SNX29: variants seen among roughly 807,000 people sequenced by gnomAD.
SNX29 encodes sorting nexin-29.
SNX29 carries 78 observed loss-of-function variants against 102.1 expected under a neutral mutation model. The ratio of observed to expected loss-of-function variants is 0.76; its 90% CI spans 0.64 to 0.92. SNX29 has a LOEUF of 0.92. Among genes scored for constraint, SNX29 ranks in the 40% least tolerant of loss-of-function variants. The pLI is 0.00. For synonymous variants in SNX29, 580 were observed against 414.5 expected (o/e 1.40, Z -4.85); for missense variants, 1,280 against 1,061.7 (o/e 1.21, Z -2.86).
At chr16:12,120,724 T>A (rs917385411) in intron 11 of SNX29, among the ~76,000 whole-genome samples, 2 of 152,192 alleles carry the variant, frequency 1.3e-5, no homozygotes, top group African/African-American at 4.8e-5. Flanking sequence ...TCCACTGTTG[T>A]TTTTGAAATT....
At chr16:12,247,698 T>A (rs1422476036) in intron 14 of SNX29, among the ~76,000 whole-genome samples, 1 of 152,212 alleles carries the variant, frequency 6.6e-6, no homozygotes, top group South Asian at 2.1e-4. Flanking sequence ...CCTCAAGGTT[T>A]AAAAAGTCCC....
chr16:12,346,587 G>GTAA (rs1215008530), intron 15 of SNX29, among the ~76,000 whole-genome samples: 1 of 152,182 alleles, frequency 6.6e-6, no homozygotes, highest in African/African-American at 2.4e-5. Context: ...CAGGACAGGT[G>GTAA]TGAATTGGGG....
intron 14 of SNX29, among the ~76,000 whole-genome samples, chr16:12,215,174 T>C (rs935470747): frequency 2.0e-5 from 3 of 152,084 alleles, no homozygotes; most frequent in Non-Finnish European, 1.5e-5. Flanking sequence ...ATTATCCCCA[T>C]TTACACGGGA....
intron 4 of SNX29, among the ~76,000 whole-genome samples, chr16:12,040,284 A>G (rs2049826262): frequency 6.6e-6 from 1 of 152,188 alleles, no homozygotes; most frequent in Non-Finnish European, 1.5e-5. Context: ...AGGCTGAGAC[A>G]GGAGGATCAC....
intron 13 of SNX29, among the ~76,000 whole-genome samples, chr16:12,143,644 G>A (rs1300290510): frequency 2.6e-5 from 4 of 152,180 alleles, no homozygotes; most frequent in Admixed American, 6.5e-5. Context: ...AATACCCTGC[G>A]TAAGTACTGA....
At chr16:12,265,651 A>C (rs1280526575) in intron 14 of SNX29, among the ~76,000 whole-genome samples, 1 of 133,682 alleles carries the variant, frequency 7.5e-6, no homozygotes, top group Non-Finnish European at 1.5e-5. Flanking sequence ...AATTGTGCCT[A>C]GGAGTTTGAG....
chr16:12,219,935 C>T (rs2077431003), intron 14 of SNX29, among the ~76,000 whole-genome samples: 1 of 152,166 alleles, frequency 6.6e-6, no homozygotes, highest in Non-Finnish European at 1.5e-5. Context: ...CACGTGTACA[C>T]ACACGTGCAC....
chr16:12,017,291 T>G (rs1156900997), intron 3 of SNX29, among the ~76,000 whole-genome samples: 2 of 152,220 alleles, frequency 1.3e-5, no homozygotes, highest in Non-Finnish European at 2.9e-5. Flanking sequence ...TTACTATACT[T>G]TCTTGGGCTA....
At chr16:12,030,277 A>T (rs1309390378) in intron 4 of SNX29, among the ~76,000 whole-genome samples, 2 of 152,144 alleles carry the variant, frequency 1.3e-5, no homozygotes, top group African/African-American at 4.8e-5. Context: ...ATTCTTAGTC[A>T]TACCCGCAGC....
intron 18 of SNX29, among the ~76,000 whole-genome samples, chr16:12,407,000 T>A (rs1047342475): frequency 1.3e-5 from 2 of 152,236 alleles, no homozygotes; most frequent in Non-Finnish European, 2.9e-5. Context: ...GCTCCTGTTC[T>A]GGACAGCACA....
At chr16:12,149,519 C>T (rs910124709) in intron 13 of SNX29, among the ~76,000 whole-genome samples, 16 of 152,128 alleles carry the variant, frequency 1.1e-4, no homozygotes, top group African/African-American at 3.6e-4. Context: ...GTTCTGTAGT[C>T]GTCAGTAGAT....
intron 20 of SNX29, among the ~76,000 whole-genome samples, chr16:12,553,497 G>A (rs1442554255): frequency 6.6e-6 from 1 of 152,134 alleles, no homozygotes; most frequent in East Asian, 1.9e-4. Context: ...GGCAGGGCAG[G>A]TGCACACTTG....
At chr16:12,145,280 G>T (rs2055020501) in intron 13 of SNX29, among the ~76,000 whole-genome samples, 1 of 151,962 alleles carries the variant, frequency 6.6e-6, no homozygotes, top group Non-Finnish European at 1.5e-5. Flanking sequence ...CAAATCCCAT[G>T]ACTGTAGCGT....
intron 14 of SNX29, among the ~76,000 whole-genome samples, chr16:12,201,554 C>G (rs902935774): frequency 6.6e-6 from 1 of 152,218 alleles, no homozygotes; most frequent in Non-Finnish European, 1.5e-5. Flanking sequence ...CTCCAAACCT[C>G]TGGTTCTTTG....
intron 1 of SNX29, among the ~76,000 whole-genome samples, chr16:11,989,514 C>G (rs528815682): frequency 2.6e-5 from 4 of 152,282 alleles, no homozygotes; most frequent in Non-Finnish European, 5.9e-5. Context: ...TTTATCTGTG[C>G]GTATGCTAAG....
At chr16:12,381,793 C>T (rs1215318211) in intron 16 of SNX29, among the ~76,000 whole-genome samples, 2 of 121,718 alleles carry the variant, frequency 1.6e-5, no homozygotes, top group Non-Finnish European at 3.4e-5. Flanking sequence ...ACCCACCCAT[C>T]ATCTACCATC....
chr16:12,126,773 T>G lies in SNX29; in HGVS notation c.1466+77T>G, dbSNP rs563236020. 3.3e-6 allele frequency: 5 copies of G among 1,534,760 alleles called. No individual in the cohort carries two copies. In the Admixed American group the frequency reaches 9.4e-5, roughly 29 times the overall value. On this transcript the variant is annotated intron_variant, in intron 12 of 20. Coordinates refer to ENST00000566228, the MANE Select transcript of SNX29 (RefSeq NM_032167.5). Reference sequence around the variant, plus strand: ...TCTGGGGAAGACAGAATATAACAGATGAGGGACATTTTGCTTTCTTGGCAA... The same window carrying G: ...TCTGGGGAAGACAGAATATAACAGAGGAGGGACATTTTGCTTTCTTGGCAA...
At position 12,126,715 on chromosome 16, in the gene SNX29, T is replaced by C. The variant is rs1477859538; in HGVS notation, c.1466+19T>C. The C allele has an allele frequency of 6.2e-7, 1 of 1,613,344 alleles. No homozygotes were observed. The highest frequency in any genetic ancestry group is 1.7e-5 in the Admixed American group (1 of 59,978). ...AGAACAGGTACCGTGATTTTCAGGC[T>C]TGAGGAATAGCCTCTTTCTTTGACA... On this transcript the variant is annotated intron_variant, in intron 12 of 20. Coordinates refer to ENST00000566228, the MANE Select transcript of SNX29 (RefSeq NM_032167.5).
chr16:12,557,949 G>C (rs965638012), intron 20 of SNX29, among the ~76,000 whole-genome samples: 1 of 152,142 alleles, frequency 6.6e-6, no homozygotes, highest in Non-Finnish European at 1.5e-5. Context: ...TTCACCGCTT[G>C]CCCTGTCTTC....
Sources: allele counts gnomAD v4.1 joint callset (sites outside exome capture counted in the v4.1 genomes callset), GRCh38; gene constraint gnomAD v4.1.1; transcripts MANE v1.5; gene names NCBI Gene and HGNC (gene_info 2026-07-23, HGNC 2026-07-21).